Variants in TBX4 observed in about 807,000 individuals in gnomAD.
TBX4 encodes T-box transcription factor 4.
TBX4 carries 13 observed loss-of-function variants against 54.6 expected under a neutral mutation model. The observed-to-expected ratio is 0.24, with a 90% CI of 0.15 to 0.38. The LOEUF (loss-of-function observed/expected upper bound fraction) is 0.38, where lower values mean the gene tolerates loss of function less well. Among genes scored for constraint, TBX4 ranks in the 10% least tolerant of loss-of-function variants. The probability of loss-of-function intolerance (pLI) is 1.00; values close to 1 mark genes in which losing one functional copy is unlikely to be tolerated. For missense variants in TBX4, 631 were observed against 728.5 expected (o/e 0.87, Z 1.54); for synonymous variants, 314 against 306.7 (o/e 1.02, Z -0.25).
At position 61,478,523 on chromosome 17, in the gene TBX4, T is replaced by G. The variant is rs2060638546; in HGVS notation, c.550-104T>G. ...TCGGTAGGCCCCGGATCCTGGGCTT[T>G]GAGGAGAATGAGAAAAACCAGGCCA... On this transcript the variant is annotated intron_variant, in intron 5 of 8. Coordinates refer to ENST00000644296, the MANE Select transcript of TBX4 (RefSeq NM_001321120.2). The surrounding 1 kb of genome is among the most constrained non-coding windows in gnomAD (Gnocchi z 7.4). 7 of 1,515,292 alleles carry G rather than the reference T, an allele frequency of 4.6e-6. No individual in the cohort carries two copies. The East Asian group carries it at 1.6e-4, about 34-fold the overall frequency. 93.9% of individuals were successfully genotyped at this position (1,515,292 alleles called of 1,614,324 possible).
chr17:61,463,395 A>T (rs2060512402), intron 3 of TBX4: 1 of 152,232 alleles, frequency 6.6e-6, no homozygotes, highest in Non-Finnish European at 1.5e-5. Flanking sequence ...CCCTGTGCCG[A>T]CGCCCACATC....
chr17:61,465,684 A>C lies in TBX4; in HGVS notation c.282-135A>C. On this transcript the variant is annotated intron_variant, in intron 3 of 8. Coordinates refer to ENST00000644296, the MANE Select transcript of TBX4 (RefSeq NM_001321120.2). This position sits in a 1 kb window ranked among gnomAD's most constrained non-coding sequence, Gnocchi z 4.9. ...GGGGGAAGTGAGTTGTGCAGGTCAC[A>C]CAGCTGTGACCAATGCCAGGATCGC... 1 of 1,195,446 alleles carries C rather than the reference A, an allele frequency of 8.4e-7. No individual in the cohort carries two copies. Among genetic ancestry groups the C allele is most frequent in the Non-Finnish European group, 1.2e-6 (1 of 819,022 alleles). The allele number at this position is 1,195,446 out of a possible 1,614,324, so 74.1% of individuals were successfully genotyped here.
rs185856566 is a variant in TBX4, at chr17:61,477,508, T to G, written c.550-1119T>G. On this transcript the variant is annotated intron_variant, in intron 5 of 8. Transcript: ENST00000644296. ...CCTTCTATGGCACTATTTTGGAAAC[T>G]GTGCCGTCTCCTACCTTGGCACCTT... 1.2e-4 allele frequency among the ~76,000 whole-genome samples: 18 copies of G among 152,358 alleles called. 1 individual carries two copies. Among genetic ancestry groups the G allele is most frequent in the Admixed American group, 9.8e-4 (15 of 15,308 alleles).
rs1335425519 is a variant in TBX4 at position 61,462,414 on chromosome 17, A to C, written c.282-3405A>C. 6.6e-6 allele frequency among the ~76,000 whole-genome samples: 1 copy of C among 150,708 alleles called. No individual in the cohort carries two copies. The stretch of plus-strand genomic sequence containing the variant: ...CCGACGGCGCGAGGGGAACTGGGGG[A>C]GCATGGAGAGGGCGCTTGGGGCGCG... On this transcript the variant is annotated intron_variant, in intron 3 of 8. Coordinates refer to ENST00000644296, the MANE Select transcript of TBX4 (RefSeq NM_001321120.2). This position sits in a 1 kb window ranked among gnomAD's most constrained non-coding sequence, Gnocchi z 4.5.
intron 5 of TBX4, among the ~76,000 whole-genome samples, chr17:61,469,285 G>A (rs2060558847): frequency 6.6e-6 from 1 of 152,190 alleles, no homozygotes; most frequent in Admixed American, 6.5e-5. Flanking sequence ...GCTTTTCACA[G>A]CCTGGCTAAC....
chr17:61,458,487 T>A (rs1262892955), intron 3 of TBX4, among the ~76,000 whole-genome samples: 2 of 151,564 alleles, frequency 1.3e-5, no homozygotes, highest in Non-Finnish European at 2.9e-5. Flanking sequence ...TGAGGACAGA[T>A]TAGGTGTGAA....
At chr17:61,471,903 T>C (rs7207408) in intron 5 of TBX4, among the ~76,000 whole-genome samples, 7 of 64,664 alleles carry the variant, frequency 1.1e-4, no homozygotes, top group African/African-American at 4.2e-4. Context: ...TTTTTTTTTT[T>C]TTTTTTTTTT....
intron 1 of TBX4, among the ~76,000 whole-genome samples, chr17:61,454,728 G>C (rs1443236352): frequency 6.6e-6 from 1 of 152,208 alleles, no homozygotes; most frequent in Non-Finnish European, 1.5e-5. Context: ...ACAGGGCAGG[G>C]CTGAGCGCGT....
chr17:61,454,683 G>C (rs970509654), intron 1 of TBX4, among the ~76,000 whole-genome samples: 15 of 152,266 alleles, frequency 9.9e-5, no homozygotes, highest in Non-Finnish European at 1.8e-4. Context: ...CTGCGGGACC[G>C]GCGTCAGTGG....
intron 5 of TBX4, among the ~76,000 whole-genome samples, chr17:61,469,758 C>G (rs2060562787): frequency 6.6e-6 from 1 of 152,226 alleles, no homozygotes; most frequent in Non-Finnish European, 1.5e-5. Flanking sequence ...CATATCAGGG[C>G]ACAGCAACCC....
In TBX4 at chr17:61,462,277, A is replaced by G. The variant is rs976837334; in HGVS notation, c.282-3542A>G. Among the ~76,000 whole-genome samples, 2 of 152,218 alleles carry G rather than the reference A, an allele frequency of 1.3e-5. No homozygotes were observed. The highest frequency in any genetic ancestry group is 2.9e-5 in the Non-Finnish European group (2 of 68,008). On this transcript the variant is annotated intron_variant, in intron 3 of 8. Transcript: ENST00000644296. This position sits in a 1 kb window ranked among gnomAD's most constrained non-coding sequence, Gnocchi z 4.5. The stretch of plus-strand genomic sequence containing the variant: ...ATCAGAGGAGAAGCCCCGGGCTTTC[A>G]TCTCCTCCCGGGCCGGCGAGCAGGC...
chr17:61,478,481 G>A lies in TBX4; in HGVS notation c.550-146G>A. The A allele has an allele frequency of 1.8e-6, 2 of 1,085,904 alleles. No homozygotes were observed. The highest frequency in any genetic ancestry group is 2.0e-5 in the Admixed American group (1 of 49,890). 67.3% of individuals were successfully genotyped at this position (1,085,904 alleles called of 1,614,324 possible). A position where few individuals can be genotyped will look rare whatever the true frequency, so the allele number is the denominator to read the frequency against. ...GGCCCAGGGGCCTGGTTCTTCACTT[G>A]GGAGCTCCAGTCCTGGTCGGTAGGC... On this transcript the variant is annotated intron_variant, in intron 5 of 8. Coordinates refer to ENST00000644296, the MANE Select transcript of TBX4 (RefSeq NM_001321120.2). This position sits in a 1 kb window ranked among gnomAD's most constrained non-coding sequence, Gnocchi z 7.4.
rs2060692394 is a variant in TBX4, at chr17:61,484,897, A to ATGTT, written c.*1384_*1387dup. 6.8e-6 allele frequency: 1 copy of ATGTT among 147,776 alleles called. No homozygotes were observed. Among genetic ancestry groups the ATGTT allele is most frequent in the African/African-American group, 2.5e-5 (1 of 40,752 alleles). 9.2% of individuals were successfully genotyped at this position (147,776 alleles called of 1,614,324 possible). A position where few individuals can be genotyped will look rare whatever the true frequency, so the allele number is the denominator to read the frequency against. ...AGACATCTATTTAAATTTTTATTAC[A>ATGTT]TGTTTGATATTAAAAACTAAGAATG... On this transcript the variant is annotated 3_prime_UTR_variant, in exon 9 of 9. Transcript: ENST00000644296. This position sits in a 1 kb window ranked among gnomAD's most constrained non-coding sequence, Gnocchi z 4.1.
chr17:61,476,712 G>A lies in TBX4; in HGVS notation c.550-1915G>A, dbSNP rs2060622885. 6.6e-6 allele frequency among the ~76,000 whole-genome samples: 1 copy of A among 152,246 alleles called. No homozygotes were observed. The highest frequency in any genetic ancestry group is 2.4e-5 in the African/African-American group (1 of 41,472). On this transcript the variant is annotated intron_variant, in intron 5 of 8. Coordinates refer to ENST00000644296, the MANE Select transcript of TBX4 (RefSeq NM_001321120.2). This position sits in a 1 kb window ranked among gnomAD's most constrained non-coding sequence, Gnocchi z 6.5. ...ACCTGGTTTGGGGTTTGGGAGTTAT[G>A]TACTTGCCTCGTGAAGGTCTGGAGG...
At position 61,460,228 on chromosome 17, in the gene TBX4, G is replaced by A. The variant is rs2060485127; in HGVS notation, c.281+2597G>A. ...TAAGTTCCCTTGATTGCTTTTTTAC[G>A]GGGTCCTATTCAGTGTGGATTGTGG... On this transcript the variant is annotated intron_variant, in intron 3 of 8. Coordinates refer to ENST00000644296, the MANE Select transcript of TBX4 (RefSeq NM_001321120.2). This position sits in a 1 kb window ranked among gnomAD's most constrained non-coding sequence, Gnocchi z 4.4. 1 of 152,352 alleles carries A rather than the reference G, an allele frequency of 6.6e-6. No individual in the cohort carries two copies. 9.4% of individuals were successfully genotyped at this position (152,352 alleles called of 1,614,324 possible). A position where few individuals can be genotyped will look rare whatever the true frequency, so the allele number is the denominator to read the frequency against.
In TBX4 at chr17:61,474,809, G is replaced by A. The variant is rs529364732; in HGVS notation, c.550-3818G>A. Among the ~76,000 whole-genome samples, 14 of 152,354 alleles carry A rather than the reference G, an allele frequency of 9.2e-5. No individual in the cohort carries two copies. The highest frequency in any genetic ancestry group is 3.4e-4 in the African/African-American group (14 of 41,582). On this transcript the variant is annotated intron_variant, in intron 5 of 8. Coordinates refer to ENST00000644296, the MANE Select transcript of TBX4 (RefSeq NM_001321120.2). This position sits in a 1 kb window ranked among gnomAD's most constrained non-coding sequence, Gnocchi z 4.6. The stretch of plus-strand genomic sequence containing the variant: ...GGAACTTCCGAGCAAAGCCAGGTGT[G>A]TGAGTCACTGAGTTGGTTTCACATT...
intron 1 of TBX4, among the ~76,000 whole-genome samples, chr17:61,453,628 G>C (rs1435852948): frequency 6.6e-6 from 1 of 152,132 alleles, no homozygotes; most frequent in Admixed American, 6.5e-5. Flanking sequence ...AGAGTATTAA[G>C]AGCTACAACA....
Position 61,483,405 on chromosome 17 carries a change from T to C in TBX4, c.1530T>C (p.His510=). The C allele has an allele frequency of 1.2e-6, 2 of 1,613,408 alleles. No individual in the cohort carries two copies. Among genetic ancestry groups the C allele is most frequent in the Non-Finnish European group, 1.7e-6 (2 of 1,179,404 alleles). Reference sequence around the variant, plus strand: ...GTGAGAGGAAGCCACCCTCGCCACATCTAAATGCTGCCAATGAGTTTCTCT... The same window carrying C: ...GTGAGAGGAAGCCACCCTCGCCACACCTAAATGCTGCCAATGAGTTTCTCT... ...QGCERKPPSP[H]LNAANEFLYS... The change falls in exon 9 of 9, where the codon CAT becomes CAC. Residue 510 remains histidine, a synonymous_variant. Coordinates refer to ENST00000644296, the MANE Select transcript of TBX4 (RefSeq NM_001321120.2). This position sits in a 1 kb window ranked among gnomAD's most constrained non-coding sequence, Gnocchi z 6.6.
At chr17:61,463,841 G>A in intron 3 of TBX4, among the ~76,000 whole-genome samples, 1 of 152,190 alleles carries the variant, frequency 6.6e-6, no homozygotes, top group East Asian at 1.9e-4. Context: ...CCTGCAGGGG[G>A]CGGGATTCTT....
Sources: gnomAD v4.1 joint callset for allele counts (sites outside exome capture counted in the v4.1 genomes callset) on GRCh38, gnomAD v4.1.1 for gene constraint, Gnocchi (gnomAD v3.1) non-coding constraint, MANE v1.5 for transcripts, NCBI Gene and HGNC (gene_info 2026-07-23, HGNC 2026-07-21) for gene names.